The following PCDH7 variants were observed in gnomAD, a reference collection of about 807,000 sequenced individuals.
PCDH7 encodes the protein protocadherin-7.
A neutral mutation model predicts 58.9 loss-of-function variants in PCDH7; 17 were observed. The observed-to-expected ratio is 0.29, with a 90% CI of 0.20 to 0.43. The LOEUF (loss-of-function observed/expected upper bound fraction) is 0.43. Ranked by LOEUF, PCDH7 falls within the 20% of genes least tolerant of loss-of-function variation. The probability of loss-of-function intolerance (pLI) is 1.00; values close to 1 mark genes in which losing one functional copy is unlikely to be tolerated. For missense variants in PCDH7, 1,274 were observed against 1,441.0 expected, an observed-to-expected ratio of 0.88 and a Z score of 1.88; for synonymous variants, 664 against 616.4, an observed-to-expected ratio of 1.08 and a Z score of -1.14.
rs2063080741 is a variant in PCDH7, at chr4:30,815,413, G to C, written c.70+90817G>C. On this transcript the variant is annotated intron_variant, in intron 1 of 3. Transcript: ENST00000509759. ...AGGAAGTAAACTACACTTGGAAGAG[G>C]ACCAAGCAGGCATCTTTAGATCCAA... Among the ~76,000 whole-genome samples the C allele has an allele frequency of 7.9e-5, 12 of 152,242 alleles. No individual in the cohort carries two copies. In the South Asian group the frequency reaches 2.5e-3, roughly 32 times the overall value.
At chr4:31,131,505 C>T (rs569665283) in intron 3 of PCDH7, among the ~76,000 whole-genome samples, 12 of 152,240 alleles carry the variant, frequency 7.9e-5, no homozygotes, top group Admixed American at 2.0e-4. Flanking sequence ...GCCAGCATTT[C>T]AAATGTTTAA....
intron 3 of PCDH7, among the ~76,000 whole-genome samples, chr4:30,981,744 A>C (rs1048870165): frequency 6.6e-6 from 1 of 152,186 alleles, no homozygotes; most frequent in African/African-American, 2.4e-5. Context: ...AAGTCTTCTC[A>C]TGCCAGTGTC....
chr4:31,114,434 C>T (rs926449479), intron 3 of PCDH7, among the ~76,000 whole-genome samples: 5 of 151,996 alleles, frequency 3.3e-5, no homozygotes, highest in African/African-American at 7.2e-5. Flanking sequence ...TATACTGTTT[C>T]CTATGTAAAA....
exon 2 of PCDH7, chr4:30,730,771 A>G (rs1715376366): frequency 1.2e-6 from 2 of 1,607,294 alleles, no homozygotes; most frequent in South Asian, 1.1e-5. Context: ...ACATCCATAC[A>G]TTACTGTGTT....
rs547966853 is a variant in PCDH7 at position 31,097,321 on chromosome 4, G to A, written c.*8-45152G>A. ...AAAATACAAAAATTAGCCAGGCGTG[G>A]CACACACCTGTAATCCCAGCTACTT... On this transcript the variant is annotated intron_variant, in intron 3 of 3. Transcript: ENST00000509759. Among the ~76,000 whole-genome samples, 18 of 151,594 alleles carry A rather than the reference G, an allele frequency of 1.2e-4. 1 individual carries two copies. The highest frequency in any genetic ancestry group is 4.0e-4 in the Admixed American group (6 of 15,186).
chr4:31,140,673 A>G (rs1329132279), intron 3 of PCDH7, among the ~76,000 whole-genome samples: 1 of 151,882 alleles, frequency 6.6e-6, no homozygotes, highest in Non-Finnish European at 1.5e-5. Flanking sequence ...AAGAACTTGC[A>G]GTTTGTTCAT....
chr4:31,061,848 A>G (rs1757715487), intron 3 of PCDH7, among the ~76,000 whole-genome samples: 1 of 151,756 alleles, frequency 6.6e-6, no homozygotes, highest in Non-Finnish European at 1.5e-5. Flanking sequence ...TGATTGACCA[A>G]TTGAGTCAAC....
At chr4:30,753,532 C>T (rs1718847743) in intron 1 of PCDH7, among the ~76,000 whole-genome samples, 1 of 152,162 alleles carries the variant, frequency 6.6e-6, no homozygotes, top group Admixed American at 6.5e-5. Context: ...CTAGCAGTAG[C>T]ACGCCATATA....
chr4:30,757,838 A>G (rs1030394676), intron 1 of PCDH7, among the ~76,000 whole-genome samples: 1 of 152,308 alleles, frequency 6.6e-6, no homozygotes, highest in East Asian at 1.9e-4. Flanking sequence ...CTCTCAATAA[A>G]AGCTTGTAGA....
At chr4:31,105,523 T>C (rs1369150187) in intron 3 of PCDH7, among the ~76,000 whole-genome samples, 1 of 152,130 alleles carries the variant, frequency 6.6e-6, no homozygotes, top group Non-Finnish European at 1.5e-5. Context: ...GTGCTTGCTC[T>C]AAAGAGTCAC....
chr4:31,033,871 A>T (rs1258604198), intron 3 of PCDH7, among the ~76,000 whole-genome samples: 1 of 152,152 alleles, frequency 6.6e-6, no homozygotes, highest in East Asian at 1.9e-4. Flanking sequence ...AGGTGGGCAG[A>T]TCACCGGAGG....
intron 1 of PCDH7, among the ~76,000 whole-genome samples, chr4:30,779,292 T>G (rs1722487818): frequency 6.6e-6 from 1 of 152,124 alleles, no homozygotes; most frequent in South Asian, 2.1e-4. Flanking sequence ...CCTAAAGTGC[T>G]GGGATTACAG....
intron 3 of PCDH7, among the ~76,000 whole-genome samples, chr4:31,038,725 G>A (rs1468076490): frequency 3.9e-5 from 6 of 152,068 alleles, no homozygotes; most frequent in Non-Finnish European, 5.9e-5. Context: ...AATTTATGTT[G>A]TATGTTATTG....
At chr4:31,006,548 G>A (rs189277225) in intron 3 of PCDH7, among the ~76,000 whole-genome samples, 240 of 152,238 alleles carry the variant, frequency 1.6e-3, no homozygotes, top group African/African-American at 5.5e-3. Context: ...GATGTAGGAA[G>A]TTTCACGGTT....
chr4:31,017,454 A>G (rs1029651311), intron 3 of PCDH7, among the ~76,000 whole-genome samples: 16 of 152,208 alleles, frequency 1.1e-4, no homozygotes, highest in African/African-American at 3.4e-4. Context: ...TTCCCTGCAC[A>G]TAATGCCTAA....
At chr4:30,759,081 A>G (rs1719700826) in intron 1 of PCDH7, among the ~76,000 whole-genome samples, 2 of 151,284 alleles carry the variant, frequency 1.3e-5, no homozygotes, top group Non-Finnish European at 2.9e-5. Context: ...AGTTGGGATT[A>G]CAGGTGCCCG....
chr4:30,960,668 C>T (rs993185836), intron 3 of PCDH7, among the ~76,000 whole-genome samples: 1 of 152,144 alleles, frequency 6.6e-6, no homozygotes, highest in Non-Finnish European at 1.5e-5. Context: ...ATATTATTTA[C>T]CTTCTTTTGA....
intron 1 of PCDH7, among the ~76,000 whole-genome samples, chr4:30,889,058 T>G (rs116424358): frequency 0.17 from 25,321 of 149,420 alleles, 2,217 homozygotes; most frequent in African/African-American, 0.21. Context: ...GTGCATGCCT[T>G]TAGTCCCAGC....
At chr4:31,068,217 C>T (rs1217587275) in intron 3 of PCDH7, among the ~76,000 whole-genome samples, 1 of 151,000 alleles carries the variant, frequency 6.6e-6, no homozygotes, top group African/African-American at 2.4e-5. Flanking sequence ...GTAGATAATA[C>T]AGGAGTAGAT....
Sources: allele counts gnomAD v4.1 joint callset (sites outside exome capture counted in the v4.1 genomes callset), GRCh38; gene constraint gnomAD v4.1.1; transcripts MANE v1.5; gene names NCBI Gene and HGNC (gene_info 2026-07-23, HGNC 2026-07-21).